Variants in KCND2 observed in about 807,000 individuals in gnomAD.
The protein encoded by KCND2 is A-type voltage-gated potassium channel KCND2.
A neutral mutation model predicts 54.4 loss-of-function variants in KCND2; 16 were observed. The observed-to-expected ratio is 0.29, with a 90% CI of 0.20 to 0.45. KCND2 has a LOEUF of 0.45. Among genes scored for constraint, KCND2 ranks in the 20% least tolerant of loss-of-function variants. The probability of loss-of-function intolerance (pLI) is 1.00; values close to 1 mark genes in which losing one functional copy is unlikely to be tolerated. For missense variants in KCND2, 486 were observed against 824.2 expected (o/e 0.59, Z 5.02); for synonymous variants, 317 against 310.7 (o/e 1.02, Z -0.21).
intron 1 of KCND2, among the ~76,000 whole-genome samples, chr7:120,539,197 A>C (rs557786173): frequency 9.2e-5 from 14 of 152,308 alleles, no homozygotes; most frequent in Admixed American, 8.5e-4. Flanking sequence ...TACATAGCAT[A>C]TGCATACATA....
intron 1 of KCND2, among the ~76,000 whole-genome samples, chr7:120,530,981 A>G (rs1018508420): frequency 1.8e-4 from 28 of 151,864 alleles, no homozygotes; most frequent in African/African-American, 5.8e-4. Flanking sequence ...TATACAACTC[A>G]CCTGTCAAGT....
At chr7:120,389,738 T>C (rs1293930361) in intron 1 of KCND2, among the ~76,000 whole-genome samples, 1 of 151,952 alleles carries the variant, frequency 6.6e-6, no homozygotes, top group Non-Finnish European at 1.5e-5. Context: ...TTTAGGTTTG[T>C]GATAATTTTC....
intron 1 of KCND2, among the ~76,000 whole-genome samples, chr7:120,354,772 G>GAAAGAAAAGAAAAGAAAAGC: frequency 6.6e-6 from 1 of 152,108 alleles, no homozygotes; most frequent in African/African-American, 2.4e-5. Context: ...AAAGAAAACA[G>GAAAGAAAAGAAAAGAAAAGC]AAAGAAAAGA....
intron 1 of KCND2, among the ~76,000 whole-genome samples, chr7:120,656,301 A>T (rs1044864034): frequency 6.6e-6 from 1 of 152,186 alleles, no homozygotes; most frequent in East Asian, 1.9e-4. Flanking sequence ...ATACTTAAGG[A>T]TATACTCTAA....
At chr7:120,712,939 G>A (rs555920986) in intron 1 of KCND2, among the ~76,000 whole-genome samples, 30 of 152,216 alleles carry the variant, frequency 2.0e-4, no homozygotes, top group African/African-American at 7.2e-4. Flanking sequence ...TTATAAATAG[G>A]ATCATAAGAC....
chr7:120,508,914 T>C (rs1331133365), intron 1 of KCND2, among the ~76,000 whole-genome samples: 2 of 131,134 alleles, frequency 1.5e-5, no homozygotes, highest in Non-Finnish European at 3.0e-5. Context: ...TTGGACATCC[T>C]TTTTAAAGAA....
chr7:120,367,784 G>A (rs1388851350), intron 1 of KCND2, among the ~76,000 whole-genome samples: 1 of 151,964 alleles, frequency 6.6e-6, no homozygotes, highest in Non-Finnish European at 1.5e-5. Context: ...CTAGTGACCA[G>A]TTACTTTTAT....
rs373033957 is a variant in KCND2, at chr7:120,401,530, T to C, written c.1115+125783T>C. 1.7e-4 allele frequency among the ~76,000 whole-genome samples: 26 copies of C among 152,252 alleles called. No individual in the cohort carries two copies. The South Asian group carries it at 5.4e-3, about 32-fold the overall frequency. On this transcript the variant is annotated intron_variant, in intron 1 of 5. Transcript: ENST00000331113. Reference sequence around the variant, plus strand: ...CTAGGGAGCACACAGTGGGAATCCATATATATGAGCTATTTAGGTGATTTT... The same window carrying C: ...CTAGGGAGCACACAGTGGGAATCCACATATATGAGCTATTTAGGTGATTTT...
intron 1 of KCND2, among the ~76,000 whole-genome samples, chr7:120,612,218 A>G (rs1470936329): frequency 6.6e-6 from 1 of 152,202 alleles, no homozygotes; most frequent in Non-Finnish European, 1.5e-5. Context: ...CTGAATTTGA[A>G]CAAGTAACAA....
chr7:120,376,567 A>G (rs547195198), intron 1 of KCND2, among the ~76,000 whole-genome samples: 49 of 151,064 alleles, frequency 3.2e-4, no homozygotes, highest in African/African-American at 1.1e-3. Flanking sequence ...GTATTTATAT[A>G]TCATTATAAA....
intron 1 of KCND2, among the ~76,000 whole-genome samples, chr7:120,331,434 T>C (rs1352077754): frequency 6.6e-6 from 1 of 152,042 alleles, no homozygotes; most frequent in Non-Finnish European, 1.5e-5. Context: ...CTAGGTAGTT[T>C]TTAAAATTAT....
At chr7:120,405,427 T>C (rs942391614) in intron 1 of KCND2, among the ~76,000 whole-genome samples, 1 of 152,136 alleles carries the variant, frequency 6.6e-6, no homozygotes, top group African/African-American at 2.4e-5. Context: ...TTGATACTGA[T>C]ACAAATGAAG....
chr7:120,351,239 T>C (rs1800396008), intron 1 of KCND2, among the ~76,000 whole-genome samples: 1 of 33,186 alleles, frequency 3.0e-5, no homozygotes, highest in Non-Finnish European at 8.4e-5. Flanking sequence ...TATATTTATA[T>C]GTGTGTATAT....
At chr7:120,610,220 C>G (rs528421433) in intron 1 of KCND2, among the ~76,000 whole-genome samples, 2 of 152,228 alleles carry the variant, frequency 1.3e-5, no homozygotes, top group East Asian at 3.9e-4. Flanking sequence ...CTCCATAACA[C>G]CTCTTAGGTG....
intron 1 of KCND2, among the ~76,000 whole-genome samples, chr7:120,707,538 A>G (rs1369638999): frequency 1.3e-5 from 2 of 152,184 alleles, no homozygotes; most frequent in African/African-American, 4.8e-5. Context: ...AACAATAGCA[A>G]TACTAACCTA....
At chr7:120,389,362 A>G (rs1179942632) in intron 1 of KCND2, among the ~76,000 whole-genome samples, 1 of 151,822 alleles carries the variant, frequency 6.6e-6, no homozygotes, top group African/African-American at 2.4e-5. Flanking sequence ...TTGTATGTGT[A>G]TGTGTGTGTG....
chr7:120,440,815 T>C (rs746717292), intron 1 of KCND2, among the ~76,000 whole-genome samples: 7 of 152,064 alleles, frequency 4.6e-5, no homozygotes, highest in Non-Finnish European at 8.8e-5. Flanking sequence ...TCTCTGAAGA[T>C]ATCTCCTATT....
At chr7:120,391,002 C>A (rs139483638) in intron 1 of KCND2, among the ~76,000 whole-genome samples, 2,087 of 152,052 alleles carry the variant, frequency 0.014, 45 homozygotes, top group African/African-American at 0.044. Context: ...CTGCACCTAT[C>A]TACACATCAT....
chr7:120,501,959 A>T (rs802353), intron 1 of KCND2, among the ~76,000 whole-genome samples: 44,364 of 152,020 alleles, frequency 0.29, 9,284 homozygotes, highest in African/African-American at 0.58. Flanking sequence ...CATGGCATAG[A>T]CACAGAAAAA....
Sources: allele counts gnomAD v4.1 joint callset (sites outside exome capture counted in the v4.1 genomes callset), GRCh38; gene constraint gnomAD v4.1.1; transcripts MANE v1.5; gene names NCBI Gene and HGNC (gene_info 2026-07-23, HGNC 2026-07-21).